DCHS2: variants seen among roughly 807,000 people sequenced by gnomAD.
DCHS2 encodes protocadherin-23.
In DCHS2, 142 loss-of-function variants were observed where a neutral mutation model predicts 182.4. The ratio of observed to expected loss-of-function variants is 0.78; its 90% CI spans 0.68 to 0.89. DCHS2 has a LOEUF of 0.89. DCHS2 is among the 40% of genes least tolerant of loss of function. The probability of loss-of-function intolerance (pLI) is 0.00; values close to 1 mark genes in which losing one functional copy is unlikely to be tolerated. For synonymous variants in DCHS2, 1,740 were observed against 1,663.3 expected (o/e 1.05, Z -1.12); for missense variants, 4,319 against 4,198.6 (o/e 1.03, Z -0.79).
At chr4:154,417,821 T>G (rs918736269) in intron 1 of DCHS2, among the ~76,000 whole-genome samples, 1 of 152,184 alleles carries the variant, frequency 6.6e-6, no homozygotes, top group African/African-American at 2.4e-5. Flanking sequence ...GGCTTTCAAT[T>G]CTCTTTCTAT....
rs201761134 is a variant in DCHS2, at chr4:154,364,725, A to T, written c.2476+1485T>A. Among the ~76,000 whole-genome samples the T allele has an allele frequency of 4.6e-5, 7 of 152,234 alleles. No homozygotes were observed. The East Asian group carries it at 1.4e-3, about 30-fold the overall frequency. ...AGGGCACACTCACATAGCACATTAG[A>T]TTTCCTGTGTAAATTATCATTTGTT... On this transcript the variant is annotated intron_variant, in intron 3 of 19. Transcript: ENST00000357232.
chr4:154,367,379 T>G (rs1730432671), intron 2 of DCHS2, among the ~76,000 whole-genome samples: 1 of 152,116 alleles, frequency 6.6e-6, no homozygotes, highest in Non-Finnish European at 1.5e-5. Context: ...ACAGGAGCAG[T>G]GCAGGTACTC....
In DCHS2 at chr4:154,490,945, G is replaced by A. The variant is rs937757972; in HGVS notation, c.411C>T (p.Asp137=). The A allele has an allele frequency of 1.3e-6, 2 of 1,550,390 alleles. No homozygotes were observed. Among genetic ancestry groups the A allele is most frequent in the Non-Finnish European group, 1.7e-6 (2 of 1,146,424 alleles). ...TARRLDRERR[D]HYSFVAATLL... ...GCGTGGCGGCGACGAAGCTGTAGTG[G>A]TCCCGCCGCTCGCGGTCCAGGCGCC... is the stretch of plus-strand genomic sequence containing the variant. Residue 137 remains aspartate (D), a synonymous_variant, in exon 1 of 20, where the codon GAC becomes GAT. Transcript: ENST00000357232.
chr4:154,481,805 G>C (rs78197870), intron 1 of DCHS2, among the ~76,000 whole-genome samples: 1 of 152,170 alleles, frequency 6.6e-6, no homozygotes, highest in Non-Finnish European at 1.5e-5. Context: ...AAGCTATTAA[G>C]TAACAGAGCT....
At chr4:154,322,788 C>G (rs1403191438) in intron 7 of DCHS2, 1 of 278,136 alleles carries the variant, frequency 3.6e-6, no homozygotes, top group African/African-American at 2.2e-5. Flanking sequence ...CATGTATATA[C>G]TTCGCTTCTC....
intron 13 of DCHS2, among the ~76,000 whole-genome samples, chr4:154,291,187 G>A (rs1185606933): frequency 1.3e-5 from 2 of 151,856 alleles, no homozygotes; most frequent in Admixed American, 1.3e-4. Flanking sequence ...ATAAGAAAAG[G>A]TGCTCAACAC....
chr4:154,246,650 GA>G (rs1560980810), intron 16 of DCHS2, among the ~76,000 whole-genome samples: 1 of 152,106 alleles, frequency 6.6e-6, no homozygotes, highest in Non-Finnish European at 1.5e-5. Context: ...ATACCTTGGA[GA>G]GATATCAGAA....
At chr4:154,260,142 T>C (rs748478734) in intron 14 of DCHS2, among the ~76,000 whole-genome samples, 5 of 152,174 alleles carry the variant, frequency 3.3e-5, no homozygotes, top group Non-Finnish European at 5.9e-5. Flanking sequence ...TTAAAATGAC[T>C]CAAAGCATCT....
intron 9 of DCHS2, 134 bp from the exon 10 acceptor site, chr4:154,316,121 AATC>A (rs1399114874): frequency 1.8e-5 from 25 of 1,386,298 alleles, no homozygotes; most frequent in Admixed American, 8.1e-5. Context: ...AACTGCATTA[AATC>A]ATCTTTAAAT....
At chr4:154,452,697 T>A (rs1734587407) in intron 1 of DCHS2, among the ~76,000 whole-genome samples, 1 of 152,092 alleles carries the variant, frequency 6.6e-6, no homozygotes, top group Non-Finnish European at 1.5e-5. Context: ...ATCTCAAATG[T>A]GAAAAATCTA....
intron 16 of DCHS2, among the ~76,000 whole-genome samples, chr4:154,242,987 A>G (rs924558450): frequency 6.6e-6 from 1 of 152,200 alleles, no homozygotes; most frequent in Non-Finnish European, 1.5e-5. Flanking sequence ...AACCAAATCC[A>G]GCAAGCTGCC....
At chr4:154,357,933 G>A (rs544610258) in intron 3 of DCHS2, among the ~76,000 whole-genome samples, 27 of 152,172 alleles carry the variant, frequency 1.8e-4, no homozygotes, top group African/African-American at 5.1e-4. Flanking sequence ...TTTCTCAGGT[G>A]AGAATCAGAC....
At chr4:154,473,576 AG>A (rs1317733757) in intron 1 of DCHS2, among the ~76,000 whole-genome samples, 1 of 152,138 alleles carries the variant, frequency 6.6e-6, no homozygotes, top group Admixed American at 6.5e-5. Flanking sequence ...CAGCCCTAGA[AG>A]GGTTATGGTA....
chr4:154,482,678 G>A (rs1282406133), intron 1 of DCHS2, among the ~76,000 whole-genome samples: 1 of 152,202 alleles, frequency 6.6e-6, no homozygotes, highest in Non-Finnish European at 1.5e-5. Flanking sequence ...AAGGAGAAAT[G>A]GAGTGATTGA....
At chr4:154,452,205 A>G (rs997261729) in intron 1 of DCHS2, among the ~76,000 whole-genome samples, 1 of 152,208 alleles carries the variant, frequency 6.6e-6, no homozygotes, top group Non-Finnish European at 1.5e-5. Flanking sequence ...CAATTTCTAC[A>G]CAGAATGGAA....
intron 13 of DCHS2, among the ~76,000 whole-genome samples, chr4:154,281,911 A>G (rs1174805077): frequency 6.6e-6 from 1 of 152,160 alleles, no homozygotes; most frequent in Non-Finnish European, 1.5e-5. Flanking sequence ...TAAGGGTGCC[A>G]AGGTTACATA....
chr4:154,293,476 C>A lies in DCHS2; in HGVS notation c.6463+4375G>T, dbSNP rs886596477. Among the ~76,000 whole-genome samples the A allele has an allele frequency of 2.6e-5, 4 of 152,102 alleles. No individual in the cohort carries two copies. The East Asian group carries it at 7.7e-4, about 29-fold the overall frequency. On this transcript the variant is annotated intron_variant, in intron 13 of 19. Transcript: ENST00000357232. ...GGATTACAGGCGTGAACCACTGCGC[C>A]CGGCCGGTATTAGGAACTTTTTAAA...
Position 154,332,558 on chromosome 4 carries a change from T to A in DCHS2, c.3650A>T (p.Asp1217Val). ...QGVIGKITAI[D>V]MDSGKNGQLL... is the part of the protein sequence containing the mutation. ...CTGTCCATTCTTTCCAGAGTCCATG[T>A]CAATAGCTGTAATTTTGCCTATTAC... The change falls in exon 5 of 20, where the codon GAC becomes GTC. Residue 1217 changes from aspartate (D) to valine (V), a missense_variant. Physicochemically the swap from Asp to Val is radical, Grantham distance 152. Transcript: ENST00000357232. The A allele has an allele frequency of 6.2e-7, 1 of 1,614,158 alleles. No individual in the cohort carries two copies. Among genetic ancestry groups the A allele is most frequent in the Admixed American group, 1.7e-5 (1 of 60,026 alleles).
chr4:154,240,508 T>C (rs766177710), intron 18 of DCHS2, 29 bp downstream of exon 18: 2 of 1,601,400 alleles, frequency 1.2e-6, no homozygotes, highest in Non-Finnish European at 1.7e-6. Flanking sequence ...GTTTTGGCTT[T>C]GGTTTCGGCA....
Sources: gnomAD v4.1 joint callset for allele counts (sites outside exome capture counted in the v4.1 genomes callset) on GRCh38, gnomAD v4.1.1 for gene constraint, MANE v1.5 for transcripts, NCBI Gene and HGNC (gene_info 2026-07-23, HGNC 2026-07-21) for gene names.